GAB2: variants seen among roughly 807,000 people sequenced by gnomAD.
GAB2 encodes GRB2-associated-binding protein 2.
Under a neutral mutation model 65.5 loss-of-function variants are expected in GAB2, and 26 were observed. That is an observed-to-expected ratio of 0.40 (90% CI 0.29 to 0.55). GAB2 has a LOEUF of 0.55. GAB2 is among the 20% of genes least tolerant of loss of function. GAB2 has a pLI of 0.53. For missense variants in GAB2, 884 were observed against 875.8 expected (o/e 1.01, Z -0.12); for synonymous variants, 321 against 329.6 (o/e 0.97, Z 0.28).
chr11:78,306,136 A>T (rs1038494113), intron 1 of GAB2, among the ~76,000 whole-genome samples: 5 of 152,184 alleles, frequency 3.3e-5, no homozygotes, highest in Non-Finnish European at 5.9e-5. Context: ...CTTTACCCCA[A>T]ATGGACATGA....
At chr11:78,332,606 T>G (rs1223686842) in intron 1 of GAB2, among the ~76,000 whole-genome samples, 1 of 152,134 alleles carries the variant, frequency 6.6e-6, no homozygotes, top group Admixed American at 6.5e-5. Context: ...AAAATAAACC[T>G]CACAACTTAA....
At chr11:78,316,529 A>C (rs548941237) in intron 1 of GAB2, among the ~76,000 whole-genome samples, 21 of 152,226 alleles carry the variant, frequency 1.4e-4, no homozygotes, top group Non-Finnish European at 2.1e-4. Flanking sequence ...AATGACCAAG[A>C]AGCACATGAA....
At chr11:78,341,208 A>G (rs117638543) in intron 1 of GAB2, among the ~76,000 whole-genome samples, 1 of 152,334 alleles carries the variant, frequency 6.6e-6, no homozygotes, top group East Asian at 1.9e-4. Context: ...TTTATTGGAT[A>G]TATTCATTTA....
At chr11:78,379,136 A>C (rs1856667473) in intron 1 of GAB2, among the ~76,000 whole-genome samples, 1 of 152,262 alleles carries the variant, frequency 6.6e-6, no homozygotes, top group Non-Finnish European at 1.5e-5. Flanking sequence ...CCATCTGATC[A>C]GTAACTCCTC....
chr11:78,350,065 A>G (rs915898154), intron 1 of GAB2, among the ~76,000 whole-genome samples: 2 of 152,176 alleles, frequency 1.3e-5, no homozygotes, highest in African/African-American at 2.4e-5. Flanking sequence ...TCTGTTGTCT[A>G]TATTTTCATT....
intron 1 of GAB2, among the ~76,000 whole-genome samples, chr11:78,368,836 G>A (rs558804463): frequency 1.3e-5 from 2 of 152,204 alleles, no homozygotes; most frequent in East Asian, 3.9e-4. Flanking sequence ...CAGCACTTTG[G>A]GAGGCTGAGG....
intron 1 of GAB2, among the ~76,000 whole-genome samples, chr11:78,345,817 G>C (rs1715612182): frequency 6.6e-6 from 1 of 152,192 alleles, no homozygotes. Flanking sequence ...ACGGTAACCA[G>C]AAGATAGTGG....
intron 1 of GAB2, among the ~76,000 whole-genome samples, chr11:78,325,775 T>A (rs61247319): frequency 6.6e-6 from 1 of 152,314 alleles, no homozygotes; most frequent in African/African-American, 2.4e-5. Context: ...ACAAGATATA[T>A]AGATAATACT....
At chr11:78,245,572 A>G (rs2134513498) in intron 3 of GAB2, among the ~76,000 whole-genome samples, 1 of 152,384 alleles carries the variant, frequency 6.6e-6, no homozygotes, top group East Asian at 1.9e-4. Flanking sequence ...TCACATGGCA[A>G]GAAATGGCAA....
chr11:78,291,551 T>C (rs1280490068), intron 1 of GAB2, among the ~76,000 whole-genome samples: 1 of 101,148 alleles, frequency 9.9e-6, no homozygotes, highest in Admixed American at 9.6e-5. Context: ...AGACTTACTT[T>C]TTTCTTTTTC....
At chr11:78,321,964 C>T (rs996341488) in intron 1 of GAB2, among the ~76,000 whole-genome samples, 3 of 151,596 alleles carry the variant, frequency 2.0e-5, no homozygotes, top group Non-Finnish European at 4.4e-5. Flanking sequence ...TGGACTCCTA[C>T]CTATCATGAT....
At chr11:78,282,307 GA>G (rs1051446827) in intron 1 of GAB2, among the ~76,000 whole-genome samples, 13 of 141,794 alleles carry the variant, frequency 9.2e-5, no homozygotes, top group African/African-American at 3.2e-4. Context: ...CTGGCTGTGT[GA>G]ATTTTTTTTT....
Position 78,228,223 on chromosome 11 carries a change from G to A in GAB2, c.621-1172C>T, listed in dbSNP as rs181507054. Among the ~76,000 whole-genome samples the A allele has an allele frequency of 5.9e-5, 9 of 152,308 alleles. No individual in the cohort carries two copies. In the East Asian group the frequency reaches 1.7e-3, roughly 29 times the overall value. On this transcript the variant is annotated intron_variant, in intron 3 of 9. Coordinates refer to ENST00000361507, the MANE Select transcript of GAB2 (RefSeq NM_080491.3). ...AGAGTGGTTTTCAAACTAGATTCCA[G>A]GTTCTCTGTAAGTGCTTTGGGAAAT...
intron 1 of GAB2, among the ~76,000 whole-genome samples, chr11:78,326,665 G>A (rs1363931736): frequency 3.9e-5 from 6 of 152,274 alleles, no homozygotes; most frequent in Admixed American, 1.3e-4. Context: ...AGCTTCATGA[G>A]GTCAAGGATA....
chr11:78,231,145 C>G (rs1183905425), intron 3 of GAB2, among the ~76,000 whole-genome samples: 1 of 152,144 alleles, frequency 6.6e-6, no homozygotes, highest in East Asian at 1.9e-4. Context: ...AGAGTTGGAG[C>G]AGGAAGATAC....
rs1325835892 is a variant in GAB2, at chr11:78,218,918, T to C, written c.*354A>G. 1 of 210,778 alleles carries C rather than the reference T, an allele frequency of 4.7e-6. No homozygotes were observed. Among genetic ancestry groups the C allele is most frequent in the Non-Finnish European group, 9.5e-6 (1 of 105,818 alleles). The allele number at this position is 210,778 out of a possible 1,614,324, so 13.1% of individuals were successfully genotyped here. A position where few individuals can be genotyped will look rare whatever the true frequency, so the allele number is the denominator to read the frequency against. On this transcript the variant is annotated 3_prime_UTR_variant, in exon 10 of 10. Transcript: ENST00000361507. ...CTGTGACTGAACGTGAGGTGTGGAA[T>C]CTGGCTCAGAGCCCCAGCCCTTCCC...
At chr11:78,232,126 T>C (rs2134483388) in intron 3 of GAB2, among the ~76,000 whole-genome samples, 1 of 152,356 alleles carries the variant, frequency 6.6e-6, no homozygotes, top group African/African-American at 2.4e-5. Context: ...ATTTTGCCTT[T>C]GGTCAGTCAA....
chr11:78,368,836 G>C (rs558804463), intron 1 of GAB2, among the ~76,000 whole-genome samples: 2 of 152,086 alleles, frequency 1.3e-5, no homozygotes, highest in Admixed American at 1.3e-4. Context: ...CAGCACTTTG[G>C]GAGGCTGAGG....
chr11:78,343,627 C>T (rs976729851), intron 1 of GAB2, among the ~76,000 whole-genome samples: 15 of 152,126 alleles, frequency 9.9e-5, no homozygotes, highest in South Asian at 2.1e-4. Flanking sequence ...AGGCTGTATG[C>T]GGCAGCCACT....
Sources: allele counts gnomAD v4.1 joint callset (sites outside exome capture counted in the v4.1 genomes callset), GRCh38; gene constraint gnomAD v4.1.1; transcripts MANE v1.5; gene names NCBI Gene and HGNC (gene_info 2026-07-23, HGNC 2026-07-21).